The following ULK4 variants were observed in gnomAD, a reference collection of about 807,000 sequenced individuals.
ULK4 encodes unc-51 like kinase 4, also known as inactive serine/threonine-protein kinase ULK4.
A neutral mutation model predicts 160.6 loss-of-function variants in ULK4; 133 were observed. The observed-to-expected ratio is 0.83, with a 90% confidence interval of 0.72 to 0.96. The LOEUF is 0.96. ULK4 is among the 40% of genes least tolerant of loss of function. ULK4 has a pLI of 0.00. For missense variants in ULK4, 1,580 were observed against 1,499.5 expected (o/e 1.05, Z -0.89); for synonymous variants, 534 against 539.8 (o/e 0.99, Z 0.15).
At chr3:41,900,206 T>G (rs572290471) in intron 13 of ULK4, among the ~76,000 whole-genome samples, 1 of 151,104 alleles carries the variant, frequency 6.6e-6, no homozygotes, top group Non-Finnish European at 1.5e-5. Context: ...GAACTACAAC[T>G]TCGCAAGCTC....
At chr3:41,420,481 T>C (rs1172615448) in intron 34 of ULK4, among the ~76,000 whole-genome samples, 4 of 117,124 alleles carry the variant, frequency 3.4e-5, no homozygotes, top group Non-Finnish European at 7.0e-5. Flanking sequence ...CTTTCTTTTT[T>C]TTTTTTTTTT....
At chr3:41,942,151 TG>T (rs1454181396) in intron 2 of ULK4, among the ~76,000 whole-genome samples, 1 of 152,156 alleles carries the variant, frequency 6.6e-6, no homozygotes, top group Non-Finnish European at 1.5e-5. Flanking sequence ...TTGTCTGAAC[TG>T]GGATGTGCTA....
intron 30 of ULK4, among the ~76,000 whole-genome samples, chr3:41,621,969 C>G (rs2033263269): frequency 6.6e-6 from 1 of 152,166 alleles, no homozygotes; most frequent in African/African-American, 2.4e-5. Context: ...ACAGACACTT[C>G]TCAAAAGAAG....
chr3:41,700,158 A>G (rs1013281119), intron 27 of ULK4, among the ~76,000 whole-genome samples: 7 of 152,212 alleles, frequency 4.6e-5, no homozygotes, highest in Non-Finnish European at 1.0e-4. Context: ...AATGCCAGAT[A>G]AAATATAAAG....
chr3:41,700,803 T>C (rs959310620), intron 27 of ULK4, among the ~76,000 whole-genome samples: 2 of 152,144 alleles, frequency 1.3e-5, no homozygotes, highest in Non-Finnish European at 2.9e-5. Context: ...ACTGTAGAAC[T>C]ACATTTAACA....
chr3:41,402,764 A>T (rs2082207955), intron 34 of ULK4, among the ~76,000 whole-genome samples: 1 of 152,144 alleles, frequency 6.6e-6, no homozygotes, highest in South Asian at 2.1e-4. Context: ...TATTTTGCTG[A>T]GGAGTTTTGT....
At chr3:41,520,586 T>C (rs573416911) in intron 32 of ULK4, among the ~76,000 whole-genome samples, 15 of 152,286 alleles carry the variant, frequency 9.8e-5, no homozygotes, top group East Asian at 5.8e-4. Flanking sequence ...TATAAGAGAA[T>C]TGCTCAATCA....
chr3:41,877,957 G>A (rs1307647168), intron 17 of ULK4, among the ~76,000 whole-genome samples: 4 of 151,876 alleles, frequency 2.6e-5, no homozygotes, highest in African/African-American at 7.3e-5. Flanking sequence ...CTCCAGCCTG[G>A]GCAACAAGAG....
chr3:41,917,269 C>T (rs1699001803), intron 7 of ULK4, among the ~76,000 whole-genome samples: 1 of 151,964 alleles, frequency 6.6e-6, no homozygotes, highest in African/African-American at 2.4e-5. Context: ...TTTGAGAGGC[C>T]AAGGCAGGCG....
At chr3:41,937,916 C>A (rs77560289) in intron 3 of ULK4, 182 bp downstream of exon 3, 2 of 406,492 alleles carry the variant, frequency 4.9e-6, no homozygotes, top group Non-Finnish European at 8.6e-6. Flanking sequence ...AAATCCAACC[C>A]GGAATTGAAT....
At chr3:41,916,124 C>A (rs945993867) in intron 7 of ULK4, 72 bp from the exon 8 acceptor site, 1 of 950,024 alleles carries the variant, frequency 1.1e-6, no homozygotes, top group Non-Finnish European at 1.6e-6. Flanking sequence ...TTATCTCTTA[C>A]ATCAACATTT....
intron 17 of ULK4, among the ~76,000 whole-genome samples, chr3:41,850,489 T>A (rs2042182823): frequency 4.0e-5 from 6 of 151,866 alleles, no homozygotes; most frequent in Admixed American, 3.9e-4. Flanking sequence ...TCCTGACTTT[T>A]TAATGATTGC....
intron 29 of ULK4, among the ~76,000 whole-genome samples, chr3:41,673,188 G>C (rs950498072): frequency 3.3e-5 from 5 of 151,904 alleles, no homozygotes; most frequent in African/African-American, 1.2e-4. Flanking sequence ...GAACAAAAAT[G>C]AAACACTCCT....
chr3:41,469,217 A>G (rs1016060590), intron 32 of ULK4, among the ~76,000 whole-genome samples: 1 of 152,144 alleles, frequency 6.6e-6, no homozygotes, highest in African/African-American at 2.4e-5. Context: ...TTCAAAGCTC[A>G]CCTCAAGAGC....
At chr3:41,451,874 C>A (rs1559612592) in intron 34 of ULK4, among the ~76,000 whole-genome samples, 1 of 152,016 alleles carries the variant, frequency 6.6e-6, no homozygotes, top group Admixed American at 6.6e-5. Flanking sequence ...AAGGTGTCAG[C>A]CTAAATTTAG....
chr3:41,678,262 C>A (rs56039855), intron 29 of ULK4, among the ~76,000 whole-genome samples: 2 of 151,550 alleles, frequency 1.3e-5, no homozygotes, highest in East Asian at 3.9e-4. Flanking sequence ...GGAGAGCCAT[C>A]ATACAGATAT....
chr3:41,936,056 G>C lies in ULK4; in HGVS notation c.239-116C>G, dbSNP rs139769812. The C allele has an allele frequency of 3.7e-6, 5 of 1,340,214 alleles. No homozygotes were observed. The African/African-American group carries it at 5.9e-5, about 16-fold the overall frequency. 83.0% of individuals were successfully genotyped at this position (1,340,214 alleles called of 1,614,324 possible). On this transcript the variant is annotated intron_variant, in intron 3 of 36. Coordinates refer to ENST00000301831, the MANE Select transcript of ULK4 (RefSeq NM_017886.4). Reference sequence around the variant, plus strand: ...AAAAATGATCAAGACAGTAAACGCTGACAGCCTGGTCAAGGAACACACATG... The same window carrying C: ...AAAAATGATCAAGACAGTAAACGCTCACAGCCTGGTCAAGGAACACACATG...
In ULK4 at chr3:41,849,987, G is replaced by C. The variant is rs550370932; in HGVS notation, c.1657-14016C>G. Among the ~76,000 whole-genome samples the C allele has an allele frequency of 2.3e-3, 347 of 152,134 alleles. 1 individual carries two copies. The highest frequency in any genetic ancestry group is 4.2e-3 in the Non-Finnish European group (283 of 68,010). The stretch of plus-strand genomic sequence containing the variant: ...TCCCCGCACCCCACAACAGGCCCTG[G>C]TGTGTGATGTTCCCCTTCCTGTGCC... On this transcript the variant is annotated intron_variant, in intron 17 of 36. Coordinates refer to ENST00000301831, the MANE Select transcript of ULK4 (RefSeq NM_017886.4).
chr3:41,524,895 G>A (rs769840385), intron 32 of ULK4, among the ~76,000 whole-genome samples: 10 of 151,984 alleles, frequency 6.6e-5, no homozygotes, highest in East Asian at 1.9e-4. Context: ...CCAAGATCGC[G>A]TCACTGCACT....
Sources: allele counts gnomAD v4.1 joint callset (sites outside exome capture counted in the v4.1 genomes callset), GRCh38; gene constraint gnomAD v4.1.1; transcripts MANE v1.5; gene names NCBI Gene and HGNC (gene_info 2026-07-23, HGNC 2026-07-21).